The following DYNC1I2 variants were observed in gnomAD, a reference collection of about 807,000 sequenced individuals.
DYNC1I2 encodes the protein dynein cytoplasmic 1 intermediate chain 2.
In DYNC1I2, 53 loss-of-function variants were observed where a neutral mutation model predicts 88.6. The ratio of observed to expected loss-of-function variants is 0.60; its 90% CI spans 0.48 to 0.75. DYNC1I2 has a LOEUF of 0.75. Among genes scored for constraint, DYNC1I2 ranks in the 30% least tolerant of loss-of-function variants. DYNC1I2 has a pLI of 0.00. For missense variants in DYNC1I2, 458 were observed against 766.6 expected (o/e 0.60, Z 4.75); for synonymous variants, 198 against 254.6 (o/e 0.78, Z 2.12).
chr2:171,742,410 G>GA (rs1689501862), intron 15 of DYNC1I2, among the ~76,000 whole-genome samples: 1 of 152,086 alleles, frequency 6.6e-6, no homozygotes, highest in African/African-American at 2.4e-5. Context: ...GAGCTCATGT[G>GA]ATCCACCCAC....
chr2:171,697,476 T>C (rs923032504), intron 3 of DYNC1I2, among the ~76,000 whole-genome samples: 1 of 152,212 alleles, frequency 6.6e-6, no homozygotes, highest in Non-Finnish European at 1.5e-5. Context: ...ATCCCTTATA[T>C]TTCCTTTAAA....
chr2:171,698,989 A>C (rs1686000703), intron 3 of DYNC1I2, among the ~76,000 whole-genome samples: 2 of 151,518 alleles, frequency 1.3e-5, no homozygotes, highest in Non-Finnish European at 2.9e-5. Flanking sequence ...GTGAGCCACC[A>C]CTCCTGGCCT....
At chr2:171,719,370 A>G (rs1328224210) in intron 7 of DYNC1I2, among the ~76,000 whole-genome samples, 1 of 152,216 alleles carries the variant, frequency 6.6e-6, no homozygotes, top group Non-Finnish European at 1.5e-5. Context: ...AGAAAGAAGG[A>G]AAGAGAAAAA....
intron 3 of DYNC1I2, among the ~76,000 whole-genome samples, chr2:171,697,648 G>T (rs1435485958): frequency 6.7e-6 from 1 of 149,386 alleles, no homozygotes; most frequent in African/African-American, 2.5e-5. Flanking sequence ...AGGAGTTCAA[G>T]ACTAGCGTGG....
At chr2:171,711,392 A>G (rs1229121273) in intron 5 of DYNC1I2, among the ~76,000 whole-genome samples, 1 of 152,166 alleles carries the variant, frequency 6.6e-6, no homozygotes, top group Non-Finnish European at 1.5e-5. Context: ...TAAATGTAAT[A>G]ATGTACAGGT....
At chr2:171,739,730 G>T (rs532516414) in intron 15 of DYNC1I2, among the ~76,000 whole-genome samples, 19 of 98,454 alleles carry the variant, frequency 1.9e-4, no homozygotes, top group Non-Finnish European at 2.6e-4. Flanking sequence ...TTTTGAGACC[G>T]AATCTCACTC....
chr2:171,718,330 T>C (rs75275650), intron 7 of DYNC1I2, among the ~76,000 whole-genome samples: 89 of 152,348 alleles, frequency 5.8e-4, no homozygotes, highest in African/African-American at 1.9e-3. Flanking sequence ...TGGTATATCA[T>C]AGAGAATTTA....
intron 5 of DYNC1I2, among the ~76,000 whole-genome samples, chr2:171,710,015 C>T (rs142208120): frequency 6.6e-6 from 1 of 152,104 alleles, no homozygotes; most frequent in Admixed American, 6.5e-5. Flanking sequence ...CCGCACCCAG[C>T]CACATCTTTT....
chr2:171,710,941 C>T (rs1465598443), intron 5 of DYNC1I2, among the ~76,000 whole-genome samples: 1 of 151,266 alleles, frequency 6.6e-6, no homozygotes, highest in Non-Finnish European at 1.5e-5. Context: ...CATATGTATA[C>T]TTGTGCCATG....
chr2:171,705,199 G>C lies in DYNC1I2; in HGVS notation c.227-1348G>C, dbSNP rs144981641. ...TTCAGAACTGGCTGTTAATGTATCTGTTTATCTGTGTAATTAGTATTTAGC... is the reference window on the plus strand; with the variant it reads ...TTCAGAACTGGCTGTTAATGTATCTCTTTATCTGTGTAATTAGTATTTAGC... On this transcript the variant is annotated intron_variant, in intron 3 of 17. Coordinates refer to ENST00000397119, the MANE Select transcript of DYNC1I2 (RefSeq NM_001378.3). 4.6e-3 allele frequency among the ~76,000 whole-genome samples: 703 copies of C among 152,036 alleles called. 7 individuals are homozygous for C. Among genetic ancestry groups the C allele is most frequent in the African/African-American group, 0.016 (661 of 41,514 alleles).
At chr2:171,705,602 C>T (rs1340002911) in intron 3 of DYNC1I2, among the ~76,000 whole-genome samples, 4 of 151,962 alleles carry the variant, frequency 2.6e-5, no homozygotes, top group African/African-American at 4.8e-5. Context: ...TACTCTAGTC[C>T]TATATCAGTT....
In DYNC1I2 at chr2:171,749,506, G is replaced by C. The variant is rs1307077141; in HGVS notation, c.*1617G>C. Among the ~76,000 whole-genome samples, 1 of 151,962 alleles carries C rather than the reference G, an allele frequency of 6.6e-6. No individual in the cohort carries two copies. Among genetic ancestry groups the C allele is most frequent in the Non-Finnish European group, 1.5e-5 (1 of 67,932 alleles). On this transcript the variant is annotated 3_prime_UTR_variant, in exon 18 of 18. Transcript: ENST00000397119. Reference sequence around the variant, plus strand: ...AGTAGAGTCACACTTTCTTTATATAGAAAAATTCATGTACTCACTACTCAT... The same window carrying C: ...AGTAGAGTCACACTTTCTTTATATACAAAAATTCATGTACTCACTACTCAT...
intron 5 of DYNC1I2, among the ~76,000 whole-genome samples, chr2:171,712,218 CTT>C (rs1300410561): frequency 3.3e-5 from 5 of 152,096 alleles, no homozygotes; most frequent in Non-Finnish European, 7.4e-5. Context: ...ATTTTGGAAA[CTT>C]TAGCTATTTT....
chr2:171,724,799 C>A (rs1044313897), intron 7 of DYNC1I2, among the ~76,000 whole-genome samples: 2 of 151,998 alleles, frequency 1.3e-5, no homozygotes, highest in African/African-American at 2.4e-5. Flanking sequence ...CAGTGTGTAG[C>A]AAAAGAAAAG....
In DYNC1I2 at chr2:171,727,921, A is replaced by C. The variant is rs1326633145; in HGVS notation, c.1097A>C (p.Lys366Thr). The change falls in exon 12 of 18, where the codon AAA becomes ACA. Residue 366 changes from lysine to threonine, a missense_variant. By Grantham distance (78) the Lys-to-Thr change is moderately conservative. Around this residue, in one of 5 missense-constraint regions of DYNC1I2, gnomAD observed 203 missense variants for 354.2 expected, o/e 0.57. Coordinates refer to ENST00000397119, the MANE Select transcript of DYNC1I2 (RefSeq NM_001378.3). Reference sequence around the variant, plus strand: ...GTGCTTTGGGATAACCGTAGCAATAAAAGAACTCCAGTGCAAAGAACTCCA... The same window carrying C: ...GTGCTTTGGGATAACCGTAGCAATACAAGAACTCCAGTGCAAAGAACTCCA... ...QIVLWDNRSN[K>T]RTPVQRTPLS... 1 of 1,613,242 alleles carries C rather than the reference A, an allele frequency of 6.2e-7. No individual in the cohort carries two copies. Among genetic ancestry groups the C allele is most frequent in the Non-Finnish European group, 8.5e-7 (1 of 1,179,454 alleles).
In DYNC1I2 at chr2:171,715,943, T is replaced by C. The variant is rs564871944; in HGVS notation, c.511+500T>C. Among the ~76,000 whole-genome samples the C allele has an allele frequency of 1.8e-3, 279 of 152,292 alleles. 5 individuals are homozygous for C. Among genetic ancestry groups the C allele is most frequent in the African/African-American group, 6.5e-3 (271 of 41,580 alleles). Reference sequence around the variant, plus strand: ...TGATATAGGGGCTCTATTTTGTTGATTAGTTAGTAGCCTGTAATTTGTGTA... The same window carrying C: ...TGATATAGGGGCTCTATTTTGTTGACTAGTTAGTAGCCTGTAATTTGTGTA... On this transcript the variant is annotated intron_variant, in intron 7 of 17. Transcript: ENST00000397119.
chr2:171,702,985 A>G (rs1362884276), intron 3 of DYNC1I2, among the ~76,000 whole-genome samples: 1 of 152,138 alleles, frequency 6.6e-6, no homozygotes, highest in Non-Finnish European at 1.5e-5. Context: ...TTGACCTTCC[A>G]AGATGCTGGG....
chr2:171,698,000 A>G (rs1369749342), intron 3 of DYNC1I2, among the ~76,000 whole-genome samples: 1 of 152,214 alleles, frequency 6.6e-6, no homozygotes, highest in Non-Finnish European at 1.5e-5. Context: ...AGCAATGCTA[A>G]GCTTGATTAT....
chr2:171,719,896 G>C (rs1687789929), intron 7 of DYNC1I2, among the ~76,000 whole-genome samples: 1 of 152,118 alleles, frequency 6.6e-6, no homozygotes, highest in African/African-American at 2.4e-5. Context: ...TTCTCAGCAG[G>C]TGAAAAGCTT....
Sources: allele counts gnomAD v4.1 joint callset (sites outside exome capture counted in the v4.1 genomes callset), GRCh38; gene constraint gnomAD v4.1.1; regional missense constraint gnomAD v4.1.1; transcripts MANE v1.5; gene names NCBI Gene and HGNC (gene_info 2026-07-23, HGNC 2026-07-21).